PES1: variants seen among roughly 807,000 people sequenced by gnomAD.
PES1 encodes pescadillo ribosomal biogenesis factor 1, also known as pescadillo homolog.
Under a neutral mutation model 77.1 loss-of-function variants are expected in PES1, and 31 were observed. The observed-to-expected ratio is 0.40, with a 90% CI of 0.30 to 0.54. The LOEUF (loss-of-function observed/expected upper bound fraction) is 0.54, where lower values mean the gene tolerates loss of function less well. Ranked by LOEUF, PES1 falls within the 20% of genes least tolerant of loss-of-function variation. The probability of loss-of-function intolerance (pLI) is 0.45; values close to 1 mark genes in which losing one functional copy is unlikely to be tolerated. For synonymous variants in PES1, 282 were observed against 303.0 expected (o/e 0.93, Z 0.72); for missense variants, 658 against 771.7 (o/e 0.85, Z 1.75).
In PES1 at chr22:30,588,114, G is replaced by A. The variant is rs41282545; in HGVS notation, c.165C>T (p.Asn55=). The change falls in exon 3 of 15, where the codon AAC becomes AAT. Residue 55 remains asparagine, a synonymous_variant. Transcript: ENST00000354694. Reference sequence around the variant, plus strand: ...ACGTTCGGGCTGCTGTAGAACCCTTGTTAACCTTCTTCTTGTGTTTGGGTT... The same window carrying A: ...ACGTTCGGGCTGCTGTAGAACCCTTATTAACCTTCTTCTTGTGTTTGGGTT... The part of the protein sequence containing the change: ...PHEPKHKKKV[N]KGSTAARTFY... 7.9e-4 allele frequency: 1,268 copies of A among 1,614,192 alleles called. 2 individuals carry two copies. The highest frequency in any genetic ancestry group is 8.8e-4 in the Non-Finnish European group (1,041 of 1,180,036).
intron 14 of PES1, 32 bp from the exon 15 acceptor site, chr22:30,577,161 G>T (rs758037700): frequency 6.6e-7 from 1 of 1,520,586 alleles, no homozygotes; most frequent in Admixed American, 1.8e-5. Flanking sequence ...TCAGGCTGAG[G>T]TATGTGTAGA....
At chr22:30,595,444 A>T (rs2087239880), upstream of PES1, among the ~76,000 whole-genome samples, 1 of 151,156 alleles carries the variant, frequency 6.6e-6, no homozygotes, top group African/African-American at 2.4e-5. Flanking sequence ...AGGCTGAGGC[A>T]GAAGAATGGC....
At chr22:30,577,354 A>C (rs549428069) in intron 14 of PES1, among the ~76,000 whole-genome samples, 1 of 152,306 alleles carries the variant, frequency 6.6e-6, no homozygotes, top group Non-Finnish European at 1.5e-5. Context: ...AGAGAATCCT[A>C]AACTCCCAGA....
upstream of PES1, among the ~76,000 whole-genome samples, chr22:30,595,973 G>A (rs567143578): frequency 1.3e-5 from 2 of 152,242 alleles, no homozygotes; most frequent in East Asian, 3.9e-4. Context: ...GAACCCTTTG[G>A]CTTACATGTT....
intron 2 of PES1, among the ~76,000 whole-genome samples, chr22:30,601,076 G>A (rs569049928): frequency 2.0e-5 from 3 of 152,338 alleles, no homozygotes; most frequent in East Asian, 1.9e-4. Flanking sequence ...CAAGGTGGAA[G>A]TTGCATTTTC....
chr22:30,605,168 G>T (rs917092316), intron 2 of PES1, among the ~76,000 whole-genome samples: 8 of 151,952 alleles, frequency 5.3e-5, no homozygotes, highest in Non-Finnish European at 1.0e-4. Context: ...GCATTTTTTG[G>T]TTTTGTTTGT....
At chr22:30,605,359 T>G (rs949821122) in intron 2 of PES1, 1 of 555,294 alleles carries the variant, frequency 1.8e-6, no homozygotes, top group Non-Finnish European at 2.3e-6. Context: ...TAGCACTGAG[T>G]CCAGGTAGGT....
At chr22:30,596,055 G>C (rs1446602934), upstream of PES1, among the ~76,000 whole-genome samples, 1 of 152,134 alleles carries the variant, frequency 6.6e-6, no homozygotes, top group Non-Finnish European at 1.5e-5. Flanking sequence ...ATTATAGCCC[G>C]TTTTTGTGCA....
At chr22:30,605,136 C>G (rs1168830779) in intron 2 of PES1, among the ~76,000 whole-genome samples, 1 of 152,086 alleles carries the variant, frequency 6.6e-6, no homozygotes, top group Non-Finnish European at 1.5e-5. Flanking sequence ...CTGAGACTTA[C>G]AGGCACACAC....
At chr22:30,605,509 G>A (rs912110088) in exon 2 of PES1, 2 of 984,582 alleles carry the variant, frequency 2.0e-6, no homozygotes, top group Non-Finnish European at 2.4e-6. Context: ...CCTCCTCCAG[G>A]CTGCCTTCCT....
Position 30,578,821 on chromosome 22 carries a change from G to C in PES1, c.1683+16C>G, listed in dbSNP as rs766177009. The C allele has an allele frequency of 4.3e-6, 7 of 1,611,838 alleles. No individual in the cohort carries two copies. The highest frequency in any genetic ancestry group is 5.9e-6 in the Non-Finnish European group (7 of 1,179,788). On this transcript the variant is annotated intron_variant, in intron 14 of 14. Coordinates refer to ENST00000354694, the MANE Select transcript of PES1 (RefSeq NM_014303.4). ...GGTGGCCACACCTGGATCTCAAGTG[G>C]GTGGCAAGAACTCACCTCTCGGATT...
upstream of PES1, among the ~76,000 whole-genome samples, chr22:30,593,413 G>A (rs5997692): frequency 0.35 from 52,411 of 151,888 alleles, 9,196 homozygotes; most frequent in Middle Eastern, 0.42. Context: ...ATTGAACCCA[G>A]GAGGTAGATG....
intron 1 of PES1, 94 bp downstream of exon 1, chr22:30,591,716 C>T: frequency 7.1e-7 from 1 of 1,408,674 alleles, no homozygotes; most frequent in South Asian, 1.3e-5. Flanking sequence ...TCTTTCCAGT[C>T]TCCACGAGAC....
intron 2 of PES1, among the ~76,000 whole-genome samples, chr22:30,600,205 A>G (rs959661372): frequency 5.3e-5 from 8 of 151,942 alleles, no homozygotes; most frequent in African/African-American, 1.5e-4. Context: ...GTGGTGGCAC[A>G]AGCCTATAGT....
chr22:30,599,878 C>A (rs540783543), intron 2 of PES1, among the ~76,000 whole-genome samples: 1 of 151,742 alleles, frequency 6.6e-6, no homozygotes, highest in East Asian at 1.9e-4. Context: ...CCAGCCTGGG[C>A]AATAAGAGAA....
chr22:30,604,445 C>T (rs2087405582), intron 2 of PES1, among the ~76,000 whole-genome samples: 1 of 151,956 alleles, frequency 6.6e-6, no homozygotes, highest in Non-Finnish European at 1.5e-5. Context: ...CCAACCTGGC[C>T]AACAGGGTGA....
At chr22:30,604,430 C>T (rs751481671) in intron 2 of PES1, among the ~76,000 whole-genome samples, 5 of 151,938 alleles carry the variant, frequency 3.3e-5, no homozygotes, top group African/African-American at 4.8e-5. Context: ...GTCAGGAGTC[C>T]GAGACCAACC....
intron 8 of PES1, 90 bp downstream of exon 8, chr22:30,581,244 C>A: frequency 6.9e-7 from 1 of 1,453,874 alleles, no homozygotes; most frequent in Non-Finnish European, 9.5e-7. Context: ...TAGCCATAAC[C>A]ACCCCCACTC....
chr22:30,578,698 C>G, intron 14 of PES1, 139 bp downstream of exon 14: 1 of 1,001,974 alleles, frequency 1.0e-6, no homozygotes, highest in Non-Finnish European at 1.5e-6. Flanking sequence ...AAAGGCTGGG[C>G]TGGGCCAGGC....
Sources: gnomAD v4.1 joint callset for allele counts (sites outside exome capture counted in the v4.1 genomes callset) on GRCh38, gnomAD v4.1.1 for gene constraint, MANE v1.5 for transcripts, NCBI Gene and HGNC (gene_info 2026-07-23, HGNC 2026-07-21) for gene names.